Variants in HMCN2 observed in about 807,000 individuals in gnomAD.
The protein encoded by HMCN2 is hemicentin-2.
Under a neutral mutation model 377.5 loss-of-function variants are expected in HMCN2, and 325 were observed. That is an observed-to-expected ratio of 0.86 (90% confidence interval 0.79 to 0.94). The LOEUF is 0.94. HMCN2 is among the 40% of genes least tolerant of loss of function. The probability of loss-of-function intolerance (pLI) is 0.00; values close to 1 mark genes in which losing one functional copy is unlikely to be tolerated. For missense variants in HMCN2, 4,543 were observed against 4,725.3 expected (o/e 0.96, Z 1.13); for synonymous variants, 2,007 against 2,046.8 (o/e 0.98, Z 0.53).
rs963347765 is a variant in HMCN2, at chr9:130,398,685, C to T, written c.11461C>T (p.Arg3821Cys). Residue 3821 changes from arginine (R) to cysteine (C), a missense_variant, in exon 75 of 98, where the codon CGC becomes TGC. Coordinates refer to ENST00000683500, the MANE Select transcript of HMCN2 (RefSeq NM_001291815.2). Reference sequence around the variant, plus strand: ...GAAGGACGGACAGAAGCTGGACTTCCGCCTGCAGCAGGGCGCCTACCGGTA... The same window carrying T: ...GAAGGACGGACAGAAGCTGGACTTCTGCCTGCAGCAGGGCGCCTACCGGTA... ...WWKDGQKLDFRLQQGAYRLLP... is the reference protein window; with the variant it reads ...WWKDGQKLDFCLQQGAYRLLP... The T allele has an allele frequency of 1.6e-5, 20 of 1,289,518 alleles. No homozygotes were observed. The Middle Eastern group carries it at 8.5e-4, about 55-fold the overall frequency. 79.9% of individuals were successfully genotyped at this position (1,289,518 alleles called of 1,614,324 possible). A position where few individuals can be genotyped will look rare whatever the true frequency, so the allele number is the denominator to read the frequency against.
rs1006170208 is a variant in HMCN2 at position 130,393,136 on chromosome 9, G to C, written c.10137-76G>C. 3 of 913,536 alleles carry C rather than the reference G, an allele frequency of 3.3e-6. No individual in the cohort carries two copies. The highest frequency in any genetic ancestry group is 3.6e-5 in the African/African-American group (2 of 55,776). 56.6% of individuals were successfully genotyped at this position (913,536 alleles called of 1,614,324 possible). On this transcript the variant is annotated intron_variant, in intron 66 of 97. Coordinates refer to ENST00000683500, the MANE Select transcript of HMCN2 (RefSeq NM_001291815.2). This position sits in a 1 kb window ranked among gnomAD's most constrained non-coding sequence, Gnocchi z 5.2. ...TCTTTCCACGCAGCCAGCCTCTCCT[G>C]TCTCTCTCCCTTTCTCTTCCTCTCT...
intron 11 of HMCN2, among the ~76,000 whole-genome samples, chr9:130,305,248 A>T (rs1836787948): frequency 6.6e-6 from 1 of 152,144 alleles, no homozygotes; most frequent in African/African-American, 2.4e-5. Flanking sequence ...ACGCCAAGCC[A>T]ATTTCAATTG....
chr9:130,378,230 C>A (rs868211286), intron 53 of HMCN2, among the ~76,000 whole-genome samples: 8 of 150,310 alleles, frequency 5.3e-5, no homozygotes, highest in African/African-American at 1.2e-4. Context: ...CAGTGTTTGA[C>A]GTTTTCCTTT....
rs1420866289 is a variant in HMCN2 at position 130,362,114 on chromosome 9, G to A, written c.6057G>A (p.Met2019Ile). 3.0e-6 allele frequency: 3 copies of A among 985,864 alleles called. No individual in the cohort carries two copies. Among genetic ancestry groups the A allele is most frequent in the Non-Finnish European group, 3.6e-6 (3 of 830,004 alleles). 61.1% of individuals were successfully genotyped at this position (985,864 alleles called of 1,614,324 possible). Residue 2019 changes from methionine (M) to isoleucine (I), a missense_variant, in exon 39 of 98, where the codon ATG becomes ATA. By Grantham distance (10) the Met-to-Ile change is conservative. Transcript: ENST00000683500. ...NATGAPSPTL[M>I]WLKDGNPVSP... The stretch of plus-strand genomic sequence containing the variant: ...CCGGTGCCCCCAGCCCCACACTGAT[G>A]TGGCTGAAGGATGGAAACCCTGTGT...
rs995798713 is a variant in HMCN2 at position 130,433,571 on chromosome 9, G to A, written c.15118G>A (p.Ala5040Thr). ...GCGTCCGCTGCGCGCGGGCCTTGGC[G>A]CGGTCTACACCCGTCGCGCGCTCAC... ...ALRPLRAGLGAVYTRRALTRA... is the reference protein window; with the variant it reads ...ALRPLRAGLGTVYTRRALTRA... Residue 5040 changes from alanine (A) to threonine (T), a missense_variant, in exon 98 of 98, where the codon GCG becomes ACG. Ala to Thr is a moderately conservative substitution (Grantham distance 58). Coordinates refer to ENST00000683500, the MANE Select transcript of HMCN2 (RefSeq NM_001291815.2). The A allele has an allele frequency of 4.1e-6, 6 of 1,479,672 alleles. No homozygotes were observed. Among genetic ancestry groups the A allele is most frequent in the African/African-American group, 3.0e-5 (2 of 67,440 alleles). The allele number at this position is 1,479,672 out of a possible 1,614,324, so 91.7% of individuals were successfully genotyped here.
Position 130,428,506 on chromosome 9 carries a change from A to T in HMCN2, c.14197+17A>T. 1 of 1,537,526 alleles carries T rather than the reference A, an allele frequency of 6.5e-7. No homozygotes were observed. Among genetic ancestry groups the T allele is most frequent in the Non-Finnish European group, 8.7e-7 (1 of 1,146,790 alleles). ...GCTGTGAAGGTGATGGGGGCACAGC[A>T]TGCGGCCTGTCCATACTCCTGGAAA... On this transcript the variant is annotated intron_variant, in intron 93 of 97. Coordinates refer to ENST00000683500, the MANE Select transcript of HMCN2 (RefSeq NM_001291815.2). This position sits in a 1 kb window ranked among gnomAD's most constrained non-coding sequence, Gnocchi z 5.0.
rs1475578465 is a variant in HMCN2 at position 130,328,179 on chromosome 9, CTGTT to C, written c.3359+707_3359+710del. 3.7e-4 allele frequency among the ~76,000 whole-genome samples: 56 copies of C among 152,342 alleles called. No individual in the cohort carries two copies. In the Middle Eastern group the frequency reaches 0.01, roughly 28 times the overall value. On this transcript the variant is annotated intron_variant, in intron 22 of 97. Transcript: ENST00000683500. ...CATGTGTCAGTGCATTTCAGAACAT[CTGTT>C]TGGTGAGTCCTGCCAATCCTTGCAG...
chr9:130,406,191 T>G (rs1588410503), intron 82 of HMCN2, 23 bp downstream of exon 82: 1 of 1,288,654 alleles, frequency 7.8e-7, no homozygotes, highest in South Asian at 1.2e-5. Flanking sequence ...TGGGCATGGG[T>G]GGGACAGAGA....
At position 130,398,617 on chromosome 9, in the gene HMCN2, C is replaced by T. The variant is rs1359800711; in HGVS notation, c.11393C>T (p.Pro3798Leu). 7.8e-7 allele frequency: 1 copy of T among 1,287,906 alleles called. No individual in the cohort carries two copies. Among genetic ancestry groups the T allele is most frequent in the Admixed American group, 2.3e-5 (1 of 43,486 alleles). The allele number at this position is 1,287,906 out of a possible 1,614,324, so 79.8% of individuals were successfully genotyped here. A position where few individuals can be genotyped will look rare whatever the true frequency, so the allele number is the denominator to read the frequency against. ...TLTAHTPALLPCEASGSPKPL... is the reference protein window; with the variant it reads ...TLTAHTPALLLCEASGSPKPL... Reference sequence around the variant, plus strand: ...ACCGCCCACACCCCAGCCTTGCTGCCCTGCGAGGCCAGCGGCTCCCCTAAG... The same window carrying T: ...ACCGCCCACACCCCAGCCTTGCTGCTCTGCGAGGCCAGCGGCTCCCCTAAG... Residue 3798 changes from proline (P) to leucine (L), a missense_variant, in exon 75 of 98, where the codon CCC becomes CTC. Physicochemically the swap from Pro to Leu is moderately conservative, Grantham distance 98 (BLOSUM62 -3). Transcript: ENST00000683500.
In HMCN2 at chr9:130,414,587, AC is replaced by A. The variant is rs1363268007; in HGVS notation, c.12961+3936del. Reference sequence around the variant, plus strand: ...GACAACAGATGCCTACTGAGATAGTACAGATATCAGGTAATCTGATAAGGAC... The same window carrying A: ...GACAACAGATGCCTACTGAGATAGTAAGATATCAGGTAATCTGATAAGGAC... On this transcript the variant is annotated intron_variant, in intron 85 of 97. Transcript: ENST00000683500. This position sits in a 1 kb window ranked among gnomAD's most constrained non-coding sequence, Gnocchi z 4.4. Among the ~76,000 whole-genome samples the A allele has an allele frequency of 3.3e-5, 5 of 151,966 alleles. 1 individual carries two copies. Among genetic ancestry groups the A allele is most frequent in the Non-Finnish European group, 5.9e-5 (4 of 67,992 alleles).
In HMCN2 at chr9:130,360,658, CATTT is replaced by C. The variant is rs1312091948; in HGVS notation, c.5950+55_5950+58del. The C allele has an allele frequency of 6.1e-6, 7 of 1,149,038 alleles. No individual in the cohort carries two copies. The highest frequency in any genetic ancestry group is 2.8e-5 in the Admixed American group (1 of 35,544). The allele number at this position is 1,149,038 out of a possible 1,614,324, so 71.2% of individuals were successfully genotyped here. The stretch of plus-strand genomic sequence containing the variant: ...TTGTCCAAAAAGTTGTCTTTTCATT[CATTT>C]GTCTATTAGTCTGTCCATCCACCTG... On this transcript the variant is annotated intron_variant, in intron 38 of 97. Transcript: ENST00000683500. This position sits in a 1 kb window ranked among gnomAD's most constrained non-coding sequence, Gnocchi z 4.7.
chr9:130,371,426 A>C (rs72761275), intron 46 of HMCN2, among the ~76,000 whole-genome samples: 36,210 of 151,452 alleles, frequency 0.24, 5,196 homozygotes, highest in Non-Finnish European at 0.32. Context: ...AAAAAAAAAA[A>C]CAAACTTTGG....
intron 87 of HMCN2, among the ~76,000 whole-genome samples, chr9:130,424,210 G>A (rs1446929229): frequency 3.5e-5 from 5 of 143,312 alleles, no homozygotes; most frequent in African/African-American, 5.2e-5. Flanking sequence ...ACGGAGTCTC[G>A]CTCTGTCACC....
At chr9:130,410,763 T>A in intron 85 of HMCN2, 111 bp downstream of exon 85, 1 of 858,200 alleles carries the variant, frequency 1.2e-6, no homozygotes, top group Non-Finnish European at 1.9e-6. Flanking sequence ...ATTCTTTCAT[T>A]AATACTTACT....
Position 130,370,963 on chromosome 9 carries a change from G to C in HMCN2, c.7070-1G>C, listed in dbSNP as rs2131596488. The stretch of plus-strand genomic sequence containing the variant: ...GAATGTGGCTTCTTCTTTGTGTCCA[G>C]TGCCCCCAGAGCTCATTGGAGACTT... On this transcript the variant is annotated splice_acceptor_variant, in intron 45 of 97. Coordinates refer to ENST00000683500, the MANE Select transcript of HMCN2 (RefSeq NM_001291815.2). LOFTEE classifies it high-confidence loss of function. 1.0e-6 allele frequency: 1 copy of C among 986,232 alleles called. No individual in the cohort carries two copies. Among genetic ancestry groups the C allele is most frequent in the African/African-American group, 1.7e-5 (1 of 57,374 alleles). The allele number at this position is 986,232 out of a possible 1,614,324, so 61.1% of individuals were successfully genotyped here.
At chr9:130,410,821 C>G (rs1171096667) in intron 85 of HMCN2, among the ~76,000 whole-genome samples, 169 bp downstream of exon 85, 1 of 152,168 alleles carries the variant, frequency 6.6e-6, no homozygotes, top group Non-Finnish European at 1.5e-5. Flanking sequence ...TGTGGGGTGA[C>G]TGAGACTCAG....
At chr9:130,315,009 G>A in intron 15 of HMCN2, among the ~76,000 whole-genome samples, 2 of 151,952 alleles carry the variant, frequency 1.3e-5, no homozygotes, top group South Asian at 4.2e-4. Flanking sequence ...CTTCACCAGG[G>A]CCTTTCCCTT....
rs1474144836 is a variant in HMCN2, at chr9:130,351,818, T to C, written c.4585+241T>C. Among the ~76,000 whole-genome samples the C allele has an allele frequency of 7.1e-6, 1 of 141,492 alleles. No homozygotes were observed. Among genetic ancestry groups the C allele is most frequent in the Non-Finnish European group, 1.5e-5 (1 of 64,740 alleles). The allele number at this position is 141,492 out of a possible 152,430, so 92.8% of individuals were successfully genotyped here. The stretch of plus-strand genomic sequence containing the variant: ...CCCAGCTCTAAAAATTTACTACTTA[T>C]GTTTTTTTTTTGAGATGAATTCTCT... On this transcript the variant is annotated intron_variant, in intron 30 of 97. Coordinates refer to ENST00000683500, the MANE Select transcript of HMCN2 (RefSeq NM_001291815.2). This position sits in a 1 kb window ranked among gnomAD's most constrained non-coding sequence, Gnocchi z 5.4.
rs530420574 is a variant in HMCN2, at chr9:130,304,768, G to A, written c.1582G>A (p.Val528Met). 4.8e-4 allele frequency: 228 copies of A among 470,326 alleles called. 2 individuals are homozygous for A. The highest frequency in any genetic ancestry group is 3.1e-3 in the South Asian group (201 of 64,532). The allele number at this position is 470,326 out of a possible 1,614,324, so 29.1% of individuals were successfully genotyped here. A position where few individuals can be genotyped will look rare whatever the true frequency, so the allele number is the denominator to read the frequency against. The stretch of plus-strand genomic sequence containing the variant: ...GCTGGTCCCTGCTCCCAACGTGACC[G>A]TGTCCCCAGGGGAGACTGCCGTCCT... ...PQLVPAPNVT[V>M]SPGETAVLSC... Residue 528 changes from valine to methionine, a missense_variant, in exon 11 of 98, where the codon GTG becomes ATG. By Grantham distance (21) the Val-to-Met change is conservative. Coordinates refer to ENST00000683500, the MANE Select transcript of HMCN2 (RefSeq NM_001291815.2). This position sits in a 1 kb window ranked among gnomAD's most constrained non-coding sequence, Gnocchi z 4.3.
Sources: gnomAD v4.1 joint callset for allele counts (sites outside exome capture counted in the v4.1 genomes callset) on GRCh38, gnomAD v4.1.1 for gene constraint, Gnocchi (gnomAD v3.1) non-coding constraint, MANE v1.5 for transcripts, NCBI Gene and HGNC (gene_info 2026-07-23, HGNC 2026-07-21) for gene names.